PCNX1: variants seen among roughly 807,000 people sequenced by gnomAD.
PCNX1 encodes pecanex 1.
A neutral mutation model predicts 242.2 loss-of-function variants in PCNX1; 78 were observed. That is an observed-to-expected ratio of 0.32 (90% CI 0.27 to 0.39). The LOEUF is 0.39. Ranked by LOEUF, PCNX1 falls within the 10% of genes least tolerant of loss-of-function variation. The pLI is 1.00. For synonymous variants in PCNX1, 1,024 were observed against 1,032.9 expected, an observed-to-expected ratio of 0.99 and a Z score of 0.17; for missense variants, 2,581 against 2,856.5, an observed-to-expected ratio of 0.90 and a Z score of 2.20.
chr14:70,989,826 T>A (rs901025740), intron 7 of PCNX1, among the ~76,000 whole-genome samples: 1 of 152,162 alleles, frequency 6.6e-6, no homozygotes, highest in Non-Finnish European at 1.5e-5. Flanking sequence ...GCCACTGCGT[T>A]CTGCCCCAAA....
At chr14:71,042,606 T>TAA (rs201790177) in intron 19 of PCNX1, among the ~76,000 whole-genome samples, 2 of 150,948 alleles carry the variant, frequency 1.3e-5, no homozygotes, top group African/African-American at 2.4e-5. Flanking sequence ...TTGGCTGTTT[T>TAA]TAAAAAAAAA....
At chr14:71,025,079 G>A (rs937986782) in intron 13 of PCNX1, among the ~76,000 whole-genome samples, 1 of 152,062 alleles carries the variant, frequency 6.6e-6, no homozygotes, top group African/African-American at 2.4e-5. Context: ...TTTATTGGTT[G>A]CCAAATGGTG....
chr14:71,002,963 T>C (rs529991146), intron 8 of PCNX1, among the ~76,000 whole-genome samples: 1 of 152,308 alleles, frequency 6.6e-6, no homozygotes, highest in Admixed American at 6.5e-5. Context: ...ATTTCTCTTA[T>C]GACTAAAGAT....
intron 3 of PCNX1, among the ~76,000 whole-genome samples, chr14:70,962,746 T>C (rs759587610): frequency 1.6e-4 from 24 of 152,348 alleles, no homozygotes; most frequent in Admixed American, 7.2e-4. Flanking sequence ...AAAAGTAAAA[T>C]ACAAATTTGC....
Position 71,115,359 on chromosome 14 carries a change from GAAAT to G in PCNX1, c.*5429_*5432del, listed in dbSNP as rs1001497780. 3.3e-5 allele frequency: 5 copies of G among 152,602 alleles called. No individual in the cohort carries two copies. Among genetic ancestry groups the G allele is most frequent in the African/African-American group, 7.2e-5 (3 of 41,430 alleles). 9.5% of individuals were successfully genotyped at this position (152,602 alleles called of 1,614,324 possible). On this transcript the variant is annotated 3_prime_UTR_variant, in exon 36 of 36. Transcript: ENST00000304743. ...TATTGACAGTGGATAAAACACTGAG[GAAAT>G]AAATTTTTTTTCATTTTGCCTTCTG...
intron 27 of PCNX1, 77 bp downstream of exon 27, chr14:71,073,875 A>G: frequency 1.0e-6 from 1 of 980,086 alleles, no homozygotes. Flanking sequence ...GTATATATAT[A>G]TGTATATACT....
In PCNX1 at chr14:71,114,196, T is replaced by G. The variant is rs904854891; in HGVS notation, c.*4261T>G. 2 of 152,198 alleles carry G rather than the reference T, an allele frequency of 1.3e-5. No individual in the cohort carries two copies. Among genetic ancestry groups the G allele is most frequent in the Admixed American group, 1.3e-4 (2 of 15,284 alleles). 9.4% of individuals were successfully genotyped at this position (152,198 alleles called of 1,614,324 possible). ...ACTACCATGCATTGGGACAGCATAA[T>G]TCTAATATTACATTGAATATGGCTT... On this transcript the variant is annotated 3_prime_UTR_variant, in exon 36 of 36. Coordinates refer to ENST00000304743, the MANE Select transcript of PCNX1 (RefSeq NM_014982.3).
At chr14:71,003,685 G>A (rs1440526543) in intron 8 of PCNX1, among the ~76,000 whole-genome samples, 1 of 152,122 alleles carries the variant, frequency 6.6e-6, no homozygotes, top group East Asian at 1.9e-4. Context: ...CAGGAGTGGA[G>A]TTTTTAACAA....
chr14:70,924,231 C>CAAAAAAAA (rs60333920), intron 1 of PCNX1, among the ~76,000 whole-genome samples: 2 of 98,004 alleles, frequency 2.0e-5, no homozygotes, highest in South Asian at 3.2e-4. Context: ...GAGACTGTCT[C>CAAAAAAAA]AAAAAAAAAA....
chr14:70,953,450 T>C (rs779630757), intron 2 of PCNX1, among the ~76,000 whole-genome samples: 6 of 152,008 alleles, frequency 3.9e-5, no homozygotes, highest in Non-Finnish European at 8.8e-5. Context: ...TGGAGCTGTC[T>C]TTTTCTTAAT....
chr14:71,070,234 ATTAC>A (rs936664695), intron 26 of PCNX1, among the ~76,000 whole-genome samples: 14 of 152,192 alleles, frequency 9.2e-5, no homozygotes, highest in Admixed American at 6.5e-5. Context: ...CATATCTGCA[ATTAC>A]TTCCACCACT....
chr14:71,105,608 T>G (rs1466460714), intron 33 of PCNX1, among the ~76,000 whole-genome samples, 168 bp downstream of exon 33: 2 of 151,922 alleles, frequency 1.3e-5, no homozygotes, highest in East Asian at 3.9e-4. Flanking sequence ...AGTGTCACAG[T>G]CTCGGCTCAC....
rs111725057 is a variant in PCNX1, at chr14:71,019,487, C to T, written c.3150+325C>T. On this transcript the variant is annotated intron_variant, in intron 12 of 35. Transcript: ENST00000304743. ...ATGCTATCTGGCTCACTGCAACCGT[C>T]GCCTCCCAGGTTCAAGTGATTCTCC... 6.6e-5 allele frequency among the ~76,000 whole-genome samples: 10 copies of T among 152,278 alleles called. 3 individuals are homozygous for T. Among genetic ancestry groups the T allele is most frequent in the African/African-American group, 1.9e-4 (8 of 41,556 alleles).
intron 28 of PCNX1, 124 bp downstream of exon 28, chr14:71,076,543 ATAACC>A: frequency 3.0e-6 from 2 of 659,460 alleles, no homozygotes; most frequent in Non-Finnish European, 5.3e-6. Context: ...TCTGGTTAAG[ATAACC>A]TAACTGGTTC....
At chr14:70,966,696 T>C (rs1291996726) in intron 3 of PCNX1, among the ~76,000 whole-genome samples, 1 of 152,232 alleles carries the variant, frequency 6.6e-6, no homozygotes, top group African/African-American at 2.4e-5. Flanking sequence ...TTTGAGCTTC[T>C]GAGCAAATGA....
At chr14:70,914,796 G>C (rs1262826088) in intron 1 of PCNX1, among the ~76,000 whole-genome samples, 2 of 152,074 alleles carry the variant, frequency 1.3e-5, no homozygotes, top group Non-Finnish European at 2.9e-5. Context: ...TCTTCAGCAG[G>C]TGCATTGTCA....
chr14:70,908,020 G>A lies in PCNX1; in HGVS notation c.153+17G>A. The A allele has an allele frequency of 6.4e-7, 1 of 1,557,004 alleles. No individual in the cohort carries two copies. The highest frequency in any genetic ancestry group is 2.0e-5 in the Admixed American group (1 of 51,280). ...CTCTACATGGTGAGTGTGGGGGCGG[G>A]GAGCGGGTGGCTCCTTCCCCGCGAG... On this transcript the variant is annotated intron_variant, in intron 1 of 35. Transcript: ENST00000304743.
At chr14:70,958,405 T>A (rs1024122749) in intron 2 of PCNX1, among the ~76,000 whole-genome samples, 2 of 152,186 alleles carry the variant, frequency 1.3e-5, no homozygotes, top group Non-Finnish European at 2.9e-5. Flanking sequence ...ATATATTGCC[T>A]ATATCTTTTG....
At chr14:71,011,902 T>C (rs1484334392) in intron 10 of PCNX1, 1 of 199,998 alleles carries the variant, frequency 5.0e-6, no homozygotes, top group Non-Finnish European at 1.0e-5. Context: ...ACTTTTTGGC[T>C]ATAGTGTATT....
Sources: gnomAD v4.1 joint callset for allele counts (sites outside exome capture counted in the v4.1 genomes callset) on GRCh38, gnomAD v4.1.1 for gene constraint, MANE v1.5 for transcripts, NCBI Gene and HGNC (gene_info 2026-07-23, HGNC 2026-07-21) for gene names.